The following MYO18A variants were observed in gnomAD, a reference collection of about 807,000 sequenced individuals.
MYO18A encodes myosin XVIIIA.
In MYO18A, 78 loss-of-function variants were observed where a neutral mutation model predicts 235.8. That is an observed-to-expected ratio of 0.33 (90% confidence interval 0.28 to 0.40). The LOEUF (loss-of-function observed/expected upper bound fraction) is 0.40, where lower values mean the gene tolerates loss of function less well. MYO18A is among the 10% of genes least tolerant of loss of function. The pLI is 1.00. For synonymous variants in MYO18A, 977 were observed against 1,077.8 expected, an observed-to-expected ratio of 0.91 and a Z score of 1.83; for missense variants, 2,215 against 2,699.3, an observed-to-expected ratio of 0.82 and a Z score of 3.98.
At chr17:29,136,258 T>C (rs1447965426) in intron 2 of MYO18A, among the ~76,000 whole-genome samples, 1 of 128,312 alleles carries the variant, frequency 7.8e-6, no homozygotes, top group African/African-American at 3.5e-5. Flanking sequence ...AAAATATATA[T>C]ATATATATAT....
chr17:29,121,269 AC>A lies in MYO18A; in HGVS notation c.1372-59del. On this transcript the variant is annotated intron_variant, in intron 5 of 41. Transcript: ENST00000527372. The surrounding 1 kb of genome is among the most constrained non-coding windows in gnomAD (Gnocchi z 4.2). ...GGCTCTTAGCTGATCCCATTAAGAC[AC>A]CCCTCACCCCCAAGGTCCACATCTT... The A allele has an allele frequency of 4.0e-6, 6 of 1,508,914 alleles. No individual in the cohort carries two copies. The highest frequency in any genetic ancestry group is 5.4e-6 in the Non-Finnish European group (6 of 1,111,498). 93.5% of individuals were successfully genotyped at this position (1,508,914 alleles called of 1,614,324 possible). A position where few individuals can be genotyped will look rare whatever the true frequency, so the allele number is the denominator to read the frequency against.
intron 2 of MYO18A, among the ~76,000 whole-genome samples, chr17:29,144,395 C>A (rs1306429219): frequency 6.6e-6 from 1 of 152,176 alleles, no homozygotes; most frequent in Non-Finnish European, 1.5e-5. Flanking sequence ...CTTGGCTGAC[C>A]CTCTCCATCT....
At chr17:29,110,702 A>T in intron 17 of MYO18A, 80 bp from the exon 18 acceptor site, 1 of 1,426,648 alleles carries the variant, frequency 7.0e-7, no homozygotes, top group Non-Finnish European at 9.4e-7. Context: ...CCAAGGCCCC[A>T]GAACACTAAA....
chr17:29,153,786 C>T (rs1403152249), intron 2 of MYO18A, among the ~76,000 whole-genome samples: 4 of 152,166 alleles, frequency 2.6e-5, no homozygotes, highest in Non-Finnish European at 5.9e-5. Flanking sequence ...TCTACAGCAA[C>T]AATGAGAGCA....
In MYO18A at chr17:29,122,258, C is replaced by CAG. The variant is rs754677702; in HGVS notation, c.1000-7_1000-6dup. The CAG allele has an allele frequency of 2.5e-6, 4 of 1,608,784 alleles. No individual in the cohort carries two copies. Among genetic ancestry groups the CAG allele is most frequent in the East Asian group, 2.2e-5 (1 of 44,722 alleles). Reference sequence around the variant, plus strand: ...AATCTGTTCTTCTGTTTTCGCCTGTCAGAGAGAGAGAAGAATAAACAGGCC... The same window carrying CAG: ...AATCTGTTCTTCTGTTTTCGCCTGTCAGAGAGAGAGAGAAGAATAAACAGGCC... On this transcript the variant is annotated splice_region_variant and splice_polypyrimidine_tract_variant and intron_variant, in intron 2 of 41. Transcript: ENST00000527372.
intron 40 of MYO18A, among the ~76,000 whole-genome samples, chr17:29,083,522 G>GCACACACACACACACACACACACACA (rs1555622320): frequency 8.8e-5 from 11 of 124,946 alleles, no homozygotes; most frequent in East Asian, 7.2e-4. Context: ...AGGCATGTGT[G>GCACACACACACACACACACACACACA]CGCGCGCGCG....
intron 35 of MYO18A, 88 bp downstream of exon 35, chr17:29,090,722 A>G: frequency 3.9e-6 from 6 of 1,537,256 alleles, no homozygotes; most frequent in Non-Finnish European, 4.5e-6. Context: ...ATCACCTCCC[A>G]AAACAAGCGG....
At chr17:29,136,262 T>A (rs1189454621) in intron 2 of MYO18A, among the ~76,000 whole-genome samples, 15 of 137,352 alleles carry the variant, frequency 1.1e-4, no homozygotes, top group African/African-American at 3.4e-4. Context: ...TATATATATA[T>A]ATATATATAT....
chr17:29,085,491 T>C (rs2066230522), intron 40 of MYO18A, 113 bp downstream of exon 40: 1 of 890,808 alleles, frequency 1.1e-6, no homozygotes, highest in Non-Finnish European at 1.8e-6. Context: ...GGCGGGAGTG[T>C]GGGGAGGCTG....
chr17:29,175,411 C>A (rs2068501454), intron 1 of MYO18A, among the ~76,000 whole-genome samples: 1 of 146,866 alleles, frequency 6.8e-6, no homozygotes, highest in Non-Finnish European at 1.5e-5. Context: ...GTCCTCCAGG[C>A]TAGAGTGTGG....
chr17:29,166,436 C>A lies in MYO18A; in HGVS notation c.505G>T (p.Val169Leu). 1 of 1,613,834 alleles carries A rather than the reference C, an allele frequency of 6.2e-7. No individual in the cohort carries two copies. The highest frequency in any genetic ancestry group is 1.3e-5 in the African/African-American group (1 of 75,056). Residue 169 changes from valine (V) to leucine (L), a missense_variant, in exon 2 of 42, where the codon GTG becomes TTG. By Grantham distance (32) the Val-to-Leu change is conservative. Transcript: ENST00000527372. ...HSAAPSPQVE[V>L]RTLEGQLVQH... ...ACCAGCTGTCCCTCTAGAGTCCTCA[C>A]CTCCACCTGTGGCGAGGGGGCGGCA...
intron 15 of MYO18A, among the ~76,000 whole-genome samples, chr17:29,113,511 G>A (rs1432998323): frequency 1.3e-5 from 2 of 152,188 alleles, no homozygotes; most frequent in Admixed American, 6.5e-5. Flanking sequence ...CCCAGAGGGC[G>A]TCTGACAGCT....
rs1568029622 is a variant in MYO18A at position 29,074,778 on chromosome 17, T to G, written c.6157A>C (p.Asn2053His). Reference sequence around the variant, plus strand: ...CCAACCACTCCCCTGGGCTATGCGTTAGTCTCCGTCAGCTTGGCCTCTGTG... The same window carrying G: ...CCAACCACTCCCCTGGGCTATGCGTGAGTCTCCGTCAGCTTGGCCTCTGTG... Reference protein sequence around the residue: ...SDTEAKLTETNA With the variant: ...SDTEAKLTETHA The change falls in exon 42 of 42, where the codon AAC becomes CAC. Residue 2053 changes from asparagine to histidine, a missense_variant. Coordinates refer to ENST00000527372, the MANE Select transcript of MYO18A (RefSeq NM_078471.4). This position sits in a 1 kb window ranked among gnomAD's most constrained non-coding sequence, Gnocchi z 4.4. 2 of 1,613,932 alleles carry G rather than the reference T, an allele frequency of 1.2e-6. No homozygotes were observed. The highest frequency in any genetic ancestry group is 1.7e-6 in the Non-Finnish European group (2 of 1,179,852).
rs1424302550 is a variant in MYO18A, at chr17:29,106,190, T to A, written c.3441+890A>T. On this transcript the variant is annotated intron_variant, in intron 20 of 41. Transcript: ENST00000527372. The surrounding 1 kb of genome is among the most constrained non-coding windows in gnomAD (Gnocchi z 4.6). The stretch of plus-strand genomic sequence containing the variant: ...GGCATTTCCAGAGCTGATGAGGTAC[T>A]GGTGTAGCCACAGGTGGGAGGCTGG... 6.6e-6 allele frequency among the ~76,000 whole-genome samples: 1 copy of A among 152,074 alleles called. No individual in the cohort carries two copies. Among genetic ancestry groups the A allele is most frequent in the Non-Finnish European group, 1.5e-5 (1 of 67,996 alleles).
chr17:29,117,910 G>T lies in MYO18A; in HGVS notation c.2038+135C>A. The T allele has an allele frequency of 9.2e-7, 1 of 1,088,002 alleles. No individual in the cohort carries two copies. Among genetic ancestry groups the T allele is most frequent in the Non-Finnish European group, 1.3e-6 (1 of 772,716 alleles). The allele number at this position is 1,088,002 out of a possible 1,614,324, so 67.4% of individuals were successfully genotyped here. A position where few individuals can be genotyped will look rare whatever the true frequency, so the allele number is the denominator to read the frequency against. On this transcript the variant is annotated intron_variant, in intron 10 of 41. Coordinates refer to ENST00000527372, the MANE Select transcript of MYO18A (RefSeq NM_078471.4). This position sits in a 1 kb window ranked among gnomAD's most constrained non-coding sequence, Gnocchi z 4.6. The stretch of plus-strand genomic sequence containing the variant: ...CTTCTGCTCTGAAGTGGGGGGCTGA[G>T]AAGAGGCACAAGCAAAAGAGGGTTG...
rs1284270650 is a variant in MYO18A, at chr17:29,117,266, C to A, written c.2038+779G>T. Among the ~76,000 whole-genome samples the A allele has an allele frequency of 6.6e-6, 1 of 152,198 alleles. No individual in the cohort carries two copies. Among genetic ancestry groups the A allele is most frequent in the Admixed American group, 6.5e-5 (1 of 15,284 alleles). On this transcript the variant is annotated intron_variant, in intron 10 of 41. Transcript: ENST00000527372. This position sits in a 1 kb window ranked among gnomAD's most constrained non-coding sequence, Gnocchi z 4.6. Reference sequence around the variant, plus strand: ...GCTCCTCCAAGCCAGGCCAAGTCCCCGAGCGCAAGTGCCAAAGCTGCAGCC... The same window carrying A: ...GCTCCTCCAAGCCAGGCCAAGTCCCAGAGCGCAAGTGCCAAAGCTGCAGCC...
At chr17:29,096,669 C>T in intron 28 of MYO18A, 92 bp downstream of exon 28, 1 of 1,406,492 alleles carries the variant, frequency 7.1e-7, no homozygotes. Flanking sequence ...AATTCAGGTC[C>T]TTCCTTCTTT....
chr17:29,171,685 A>G (rs1304810344), intron 1 of MYO18A, among the ~76,000 whole-genome samples: 1 of 148,692 alleles, frequency 6.7e-6, no homozygotes, highest in Non-Finnish European at 1.5e-5. Flanking sequence ...GCTTGAGCTC[A>G]GGAGTCGGAG....
At chr17:29,132,892 GC>G (rs1039019472) in intron 2 of MYO18A, among the ~76,000 whole-genome samples, 1 of 152,130 alleles carries the variant, frequency 6.6e-6, no homozygotes, top group African/African-American at 2.4e-5. Flanking sequence ...TGTGCCTGCT[GC>G]CCCCCACCAA....
Sources: allele counts gnomAD v4.1 joint callset (sites outside exome capture counted in the v4.1 genomes callset), GRCh38; gene constraint gnomAD v4.1.1; non-coding constraint Gnocchi (gnomAD v3.1); transcripts MANE v1.5; gene names NCBI Gene and HGNC (gene_info 2026-07-23, HGNC 2026-07-21).